Variants in SUPT20H observed in about 807,000 individuals in gnomAD.
SUPT20H encodes transcription factor SPT20 homolog.
SUPT20H carries 82 observed loss-of-function variants against 122.8 expected under a neutral mutation model. The observed-to-expected ratio is 0.67, with a 90% confidence interval of 0.56 to 0.80. The LOEUF (loss-of-function observed/expected upper bound fraction) is 0.80, where lower values mean the gene tolerates loss of function less well. Ranked by LOEUF, SUPT20H falls within the 30% of genes least tolerant of loss-of-function variation. The probability of loss-of-function intolerance (pLI) is 0.00; values close to 1 mark genes in which losing one functional copy is unlikely to be tolerated. For synonymous variants in SUPT20H, 291 were observed against 313.0 expected (o/e 0.93, Z 0.74); for missense variants, 831 against 921.6 (o/e 0.90, Z 1.27).
intron 1 of SUPT20H, among the ~76,000 whole-genome samples, chr13:37,055,512 G>A (rs2068747986): frequency 6.6e-6 from 1 of 152,150 alleles, no homozygotes; most frequent in African/African-American, 2.4e-5. Flanking sequence ...AACAAGCAAT[G>A]GGGAAAGGAT....
At chr13:37,025,252 ATTC>A in intron 17 of SUPT20H, 65 bp downstream of exon 17, 1 of 1,354,316 alleles carries the variant, frequency 7.4e-7, no homozygotes, top group South Asian at 1.2e-5. Flanking sequence ...TCCAAAAATG[ATTC>A]TTAACATTTC....
chr13:37,038,057 G>A (rs1407679238), intron 9 of SUPT20H: 1 of 149,798 alleles, frequency 6.7e-6, no homozygotes, highest in South Asian at 2.1e-4. Context: ...TTGGACAAGA[G>A]TTCTTTATTG....
chr13:37,024,438 G>C lies in SUPT20H; in HGVS notation c.1334C>G (p.Thr445Ser). ...CGAAGACTGAACTGACACGGTTTCA[G>C]TTTGCTAAAAGACAATGACATTAAG... ...QVSPGKETDQ[T>S]ETVSVQSSVL... The change falls in exon 18 of 26, where the codon ACT becomes AGT. Residue 445 changes from threonine to serine, a missense_variant. By Grantham distance (58) the Thr-to-Ser change is moderately conservative. Transcript: ENST00000350612. 4 of 1,550,502 alleles carry C rather than the reference G, an allele frequency of 2.6e-6. No individual in the cohort carries two copies. Among genetic ancestry groups the C allele is most frequent in the Non-Finnish European group, 3.5e-6 (4 of 1,152,152 alleles).
intron 4 of SUPT20H, 80 bp downstream of exon 4, chr13:37,047,798 G>A: frequency 7.1e-7 from 1 of 1,405,726 alleles, no homozygotes; most frequent in Non-Finnish European, 9.6e-7. Flanking sequence ...TTCTAGCTCA[G>A]TCCCTACGAG....
intron 1 of SUPT20H, among the ~76,000 whole-genome samples, chr13:37,053,661 C>A (rs944244063): frequency 1.3e-5 from 2 of 151,294 alleles, no homozygotes; most frequent in South Asian, 4.2e-4. Flanking sequence ...TGTACATTCA[C>A]CACATGTATT....
intron 23 of SUPT20H, chr13:37,013,074 T>C (rs2059872018): frequency 2.6e-5 from 4 of 152,162 alleles, no homozygotes; most frequent in Non-Finnish European, 5.9e-5. Context: ...TCAATTCTTT[T>C]AGAAATGCTG....
intron 14 of SUPT20H, 94 bp from the exon 15 acceptor site, chr13:37,026,910 A>G: frequency 1.3e-6 from 1 of 773,254 alleles, no homozygotes; most frequent in African/African-American, 1.8e-5. Flanking sequence ...ATATGGAAGA[A>G]TGACTGGAAG....
intron 9 of SUPT20H, among the ~76,000 whole-genome samples, chr13:37,034,841 C>G (rs2064040938): frequency 6.6e-6 from 1 of 152,192 alleles, no homozygotes; most frequent in African/African-American, 2.4e-5. Context: ...GAAGCCAATG[C>G]TTATTTGACC....
At chr13:37,049,557 T>C (rs536141572) in intron 2 of SUPT20H, among the ~76,000 whole-genome samples, 1 of 152,216 alleles carries the variant, frequency 6.6e-6, no homozygotes, top group African/African-American at 2.4e-5. Context: ...CTGGCCAACA[T>C]GGTGAAACCC....
At chr13:37,018,511 T>C (rs1031112177) in intron 22 of SUPT20H, among the ~76,000 whole-genome samples, 5 of 152,206 alleles carry the variant, frequency 3.3e-5, no homozygotes, top group Non-Finnish European at 7.4e-5. Context: ...CTGTTATTGT[T>C]ATTTCCCATC....
At chr13:37,025,772 G>T in intron 16 of SUPT20H, 1 of 238,382 alleles carries the variant, frequency 4.2e-6, no homozygotes, top group Non-Finnish European at 8.1e-6. Flanking sequence ...GTACTATCTA[G>T]AAATCATCTT....
chr13:37,046,468 T>C (rs2066452195), intron 5 of SUPT20H, among the ~76,000 whole-genome samples: 1 of 152,202 alleles, frequency 6.6e-6, no homozygotes. Context: ...GTGGGCCAAA[T>C]AGTTTGTGCT....
intron 18 of SUPT20H, 32 bp downstream of exon 18, chr13:37,024,308 T>A: frequency 6.5e-7 from 1 of 1,541,706 alleles, no homozygotes; most frequent in Non-Finnish European, 8.7e-7. Context: ...TATTTGTTAT[T>A]CTAGACTGCA....
chr13:37,024,051 A>G lies in SUPT20H; in HGVS notation c.1575T>C (p.Pro525=). ...ATGACTCACTTTGTGATGAGCTGGC[A>G]GGTGATAGGGCAGCTGGAGAAAGCA... ...VSMLSPAALS[P]ASSSQRTTAT... The change falls in exon 19 of 26, where the codon CCT becomes CCC. Residue 525 remains proline, a synonymous_variant. Coordinates refer to ENST00000350612, the MANE Select transcript of SUPT20H (RefSeq NM_001014286.3). The G allele has an allele frequency of 6.2e-7, 1 of 1,610,984 alleles. No individual in the cohort carries two copies. The highest frequency in any genetic ancestry group is 2.2e-5 in the East Asian group (1 of 44,818).
At chr13:37,028,374 C>T in intron 13 of SUPT20H, 69 bp from the exon 14 acceptor site, 1 of 1,419,332 alleles carries the variant, frequency 7.0e-7, no homozygotes, top group African/African-American at 1.4e-5. Context: ...TAGTAAAAAT[C>T]AGGAATAAAT....
At chr13:37,012,083 C>A (rs953541650) in intron 24 of SUPT20H, 109 bp downstream of exon 24, 3 of 810,996 alleles carry the variant, frequency 3.7e-6, no homozygotes, top group Non-Finnish European at 6.0e-6. Context: ...TTACTTTTTC[C>A]TGTTTACTGG....
intron 22 of SUPT20H, among the ~76,000 whole-genome samples, chr13:37,018,246 G>A (rs1257971050): frequency 6.6e-6 from 1 of 152,168 alleles, no homozygotes; most frequent in Non-Finnish European, 1.5e-5. Context: ...TACAGTAAAT[G>A]TAGAAAAATA....
chr13:37,023,904 T>C, intron 19 of SUPT20H, 131 bp downstream of exon 19: 2 of 846,968 alleles, frequency 2.4e-6, no homozygotes, highest in Non-Finnish European at 3.5e-6. Flanking sequence ...CTGAAGCTTC[T>C]AGCAACTTAT....
At chr13:37,025,278 T>A in intron 17 of SUPT20H, 42 bp downstream of exon 17, 1 of 1,460,936 alleles carries the variant, frequency 6.8e-7, no homozygotes, top group Non-Finnish European at 9.6e-7. Flanking sequence ...AGATTACTTG[T>A]GAAACAACTG....
Sources: gnomAD v4.1 joint callset for allele counts (sites outside exome capture counted in the v4.1 genomes callset) on GRCh38, gnomAD v4.1.1 for gene constraint, MANE v1.5 for transcripts, NCBI Gene and HGNC (gene_info 2026-07-23, HGNC 2026-07-21) for gene names.